The following SMC1B variants were observed in gnomAD, a reference collection of about 807,000 sequenced individuals.
The protein encoded by SMC1B is structural maintenance of chromosomes 1B, also known as structural maintenance of chromosomes protein 1B.
In SMC1B, 60 loss-of-function variants were observed where a neutral mutation model predicts 157.9. That is an observed-to-expected ratio of 0.38 (90% CI 0.31 to 0.47). The LOEUF is 0.47. Ranked by LOEUF, SMC1B falls within the 20% of genes least tolerant of loss-of-function variation. The pLI is 0.99. For missense variants in SMC1B, 1,165 were observed against 1,426.2 expected (o/e 0.82, Z 2.95); for synonymous variants, 445 against 483.0 (o/e 0.92, Z 1.03).
intron 2 of SMC1B, among the ~76,000 whole-genome samples, chr22:45,407,947 C>T (rs551375725): frequency 2.5e-4 from 38 of 152,044 alleles, no homozygotes; most frequent in Middle Eastern, 3.4e-3. Flanking sequence ...TGTATATATA[C>T]ACACACACAC....
chr22:45,379,763 T>C lies in SMC1B; in HGVS notation c.2058+3704A>G, dbSNP rs182101061. On this transcript the variant is annotated intron_variant, in intron 12 of 24. Transcript: ENST00000357450. ...TTTTTTTTGAGACAGATTCTTGCTC[T>C]GGAGTGAATTCTTGGCTGGAGTGCA... is the stretch of plus-strand genomic sequence containing the variant. 8.6e-3 allele frequency among the ~76,000 whole-genome samples: 1,249 copies of C among 145,248 alleles called. 19 individuals carry two copies. The highest frequency in any genetic ancestry group is 0.03 in the African/African-American group (1,176 of 38,966).
chr22:45,348,793 G>T (rs2086578317), intron 23 of SMC1B, among the ~76,000 whole-genome samples: 1 of 150,548 alleles, frequency 6.6e-6, no homozygotes, highest in Non-Finnish European at 1.5e-5. Context: ...CTGTCTCTCA[G>T]GCTCAGGTGA....
At chr22:45,350,114 ATGG>A (rs1348066495) in intron 22 of SMC1B, among the ~76,000 whole-genome samples, 2 of 152,128 alleles carry the variant, frequency 1.3e-5, no homozygotes, top group Admixed American at 1.3e-4. Context: ...CCAACTTTGG[ATGG>A]CTGCAGTGCC....
At chr22:45,361,459 A>AAC (rs35756229) in intron 17 of SMC1B, among the ~76,000 whole-genome samples, 59,282 of 150,748 alleles carry the variant, frequency 0.39, 13,734 homozygotes, top group Non-Finnish European at 0.53. Flanking sequence ...CTAAAAGAGA[A>AAC]ACACACACAC....
chr22:45,397,050 GATA>G (rs1307362423), intron 6 of SMC1B, among the ~76,000 whole-genome samples: 77 of 152,166 alleles, frequency 5.1e-4, no homozygotes, highest in African/African-American at 1.6e-3. Flanking sequence ...TCAATTTTAT[GATA>G]ATCTTATATC....
intron 1 of SMC1B, among the ~76,000 whole-genome samples, chr22:45,409,598 AAATAAATAAAT>A (rs2087305996): frequency 1.3e-5 from 1 of 78,574 alleles, no homozygotes; most frequent in African/African-American, 1.4e-4. Context: ...ATAAATAAAT[AAATAAATAAAT>A]AAAAACAAGA....
At chr22:45,401,347 T>C (rs2103541) in intron 5 of SMC1B, among the ~76,000 whole-genome samples, 93,632 of 152,118 alleles carry the variant, frequency 0.62, 31,069 homozygotes, top group African/African-American at 0.87. Flanking sequence ...AGGCTACAAA[T>C]GGGGTACATA....
chr22:45,344,497 C>T lies in SMC1B; in HGVS notation c.*59G>A. On this transcript the variant is annotated 3_prime_UTR_variant, in exon 25 of 25. Coordinates refer to ENST00000357450, the MANE Select transcript of SMC1B (RefSeq NM_148674.5). Reference sequence around the variant, plus strand: ...GCTCCAGAAGTCTCCTGTGGAGGAGCTGTGTGAGTATTAGAGTGGGAACTG... The same window carrying T: ...GCTCCAGAAGTCTCCTGTGGAGGAGTTGTGTGAGTATTAGAGTGGGAACTG... 1 of 1,211,002 alleles carries T rather than the reference C, an allele frequency of 8.3e-7. No homozygotes were observed. The highest frequency in any genetic ancestry group is 1.5e-5 in the African/African-American group (1 of 66,982). 75.0% of individuals were successfully genotyped at this position (1,211,002 alleles called of 1,614,324 possible). A position where few individuals can be genotyped will look rare whatever the true frequency, so the allele number is the denominator to read the frequency against.
Position 45,390,896 on chromosome 22 carries a change from C to T in SMC1B, c.1546-999G>A, listed in dbSNP as rs147521275. ...TTTTGTATCTTTGGACTCTTTCCTC[C>T]GTTTGTTAGGTTCTACTTCAAGAAT... On this transcript the variant is annotated intron_variant, in intron 9 of 24. Transcript: ENST00000357450. Among the ~76,000 whole-genome samples, 736 of 152,230 alleles carry T rather than the reference C, an allele frequency of 4.8e-3. 11 individuals carry two copies. The highest frequency in any genetic ancestry group is 0.017 in the African/African-American group (701 of 41,546).
At chr22:45,389,347 A>C (rs78400527) in intron 10 of SMC1B, among the ~76,000 whole-genome samples, 2,346 of 152,352 alleles carry the variant, frequency 0.015, 55 homozygotes, top group African/African-American at 0.052. Flanking sequence ...AACATTTACA[A>C]TTGAGGCTGA....
At chr22:45,383,797 C>A (rs1419317728) in intron 11 of SMC1B, among the ~76,000 whole-genome samples, 184 bp from the exon 12 acceptor site, 1 of 152,120 alleles carries the variant, frequency 6.6e-6, no homozygotes. Flanking sequence ...ATATAAAACC[C>A]ATTTTACTAA....
intron 1 of SMC1B, among the ~76,000 whole-genome samples, chr22:45,409,104 A>G (rs537568665): frequency 5.1e-4 from 77 of 152,338 alleles, no homozygotes; most frequent in African/African-American, 1.6e-3. Context: ...AGAGGTCTAA[A>G]TTTAAGGACT....
chr22:45,353,406 A>G (rs2086634592), intron 21 of SMC1B, among the ~76,000 whole-genome samples: 1 of 152,226 alleles, frequency 6.6e-6, no homozygotes, highest in African/African-American at 2.4e-5. Context: ...GAAAATGAGA[A>G]AACAAAAGCA....
intron 19 of SMC1B, among the ~76,000 whole-genome samples, chr22:45,356,733 T>C (rs932287835): frequency 4.7e-5 from 7 of 148,500 alleles, no homozygotes; most frequent in South Asian, 2.1e-4. Flanking sequence ...TTTTCTTTTT[T>C]TTTTTTTTTT....
intron 1 of SMC1B, among the ~76,000 whole-genome samples, chr22:45,409,534 C>T (rs2087304101): frequency 6.6e-6 from 1 of 151,636 alleles, no homozygotes; most frequent in Non-Finnish European, 1.5e-5. Flanking sequence ...CACTGCACTC[C>T]AGCCTGGGCA....
chr22:45,357,886 C>A (rs1234714348), intron 19 of SMC1B, among the ~76,000 whole-genome samples: 1 of 152,138 alleles, frequency 6.6e-6, no homozygotes, highest in African/African-American at 2.4e-5. Context: ...ACCTAATGAG[C>A]TGACTGTTGG....
At chr22:45,361,032 G>A (rs946573816) in intron 17 of SMC1B, among the ~76,000 whole-genome samples, 5 of 151,680 alleles carry the variant, frequency 3.3e-5, no homozygotes, top group African/African-American at 1.2e-4. Context: ...GAGTGCAATG[G>A]CACTCTAAGT....
At chr22:45,347,451 A>G (rs2146750696) in intron 23 of SMC1B, among the ~76,000 whole-genome samples, 1 of 152,298 alleles carries the variant, frequency 6.6e-6, no homozygotes, top group East Asian at 1.9e-4. Flanking sequence ...TACCCAGGCA[A>G]TTCACATGAG....
chr22:45,398,454 C>A (rs551930971), intron 6 of SMC1B, among the ~76,000 whole-genome samples: 3 of 152,144 alleles, frequency 2.0e-5, no homozygotes, highest in Non-Finnish European at 4.4e-5. Context: ...CAGGGTGTCT[C>A]CTGCAGTGAA....
Sources: allele counts gnomAD v4.1 joint callset (sites outside exome capture counted in the v4.1 genomes callset), GRCh38; gene constraint gnomAD v4.1.1; transcripts MANE v1.5; gene names NCBI Gene and HGNC (gene_info 2026-07-23, HGNC 2026-07-21).